CMTR1: variants seen among roughly 807,000 people sequenced by gnomAD.
The protein encoded by CMTR1 is cap-specific mRNA (nucleoside-2'-O-)-methyltransferase 1.
A neutral mutation model predicts 107.0 loss-of-function variants in CMTR1; 39 were observed. The observed-to-expected ratio is 0.36, with a 90% CI of 0.28 to 0.48. The LOEUF (loss-of-function observed/expected upper bound fraction) is 0.48. Among genes scored for constraint, CMTR1 ranks in the 20% least tolerant of loss-of-function variants. CMTR1 has a pLI of 0.99. For synonymous variants in CMTR1, 366 were observed against 379.5 expected, an observed-to-expected ratio of 0.96 and a Z score of 0.41; for missense variants, 672 against 1,064.9, an observed-to-expected ratio of 0.63 and a Z score of 5.14.
At chr6:37,435,062 A>G (rs1771497235) in intron 1 of CMTR1, among the ~76,000 whole-genome samples, 1 of 151,840 alleles carries the variant, frequency 6.6e-6, no homozygotes, top group African/African-American at 2.4e-5. Flanking sequence ...TCCATTCCCT[A>G]CTCTGCTTAA....
chr6:37,467,594 T>C (rs192178241), intron 13 of CMTR1, among the ~76,000 whole-genome samples: 2 of 152,356 alleles, frequency 1.3e-5, no homozygotes, highest in East Asian at 3.9e-4. Context: ...GAGCTGTCTG[T>C]GTCTTCTGTT....
intron 2 of CMTR1, among the ~76,000 whole-genome samples, chr6:37,437,516 CAAAAA>C (rs35749564): frequency 8.4e-6 from 1 of 118,394 alleles, no homozygotes; most frequent in Non-Finnish European, 1.7e-5. Context: ...GAGTCCGTCT[CAAAAA>C]AAAAAAAAAA....
rs145729642 is a variant in CMTR1, at chr6:37,470,570, T to A, written c.1506-451T>A. On this transcript the variant is annotated intron_variant, in intron 13 of 23. Coordinates refer to ENST00000373451, the MANE Select transcript of CMTR1 (RefSeq NM_015050.3). ...TTCTGTTGGCCTGTTTTCCCTCTTG[T>A]CAATGGGTAGCATTTTCTTGCTTCA... 2.6e-5 allele frequency among the ~76,000 whole-genome samples: 4 copies of A among 152,356 alleles called. No homozygotes were observed. In the East Asian group the frequency reaches 7.7e-4, roughly 29 times the overall value.
intron 14 of CMTR1, 47 bp from the exon 15 acceptor site, chr6:37,471,800 C>G: frequency 6.3e-7 from 1 of 1,580,078 alleles, no homozygotes; most frequent in Non-Finnish European, 8.7e-7. Context: ...GGGGGCACTC[C>G]TGTGCCTCTT....
intron 8 of CMTR1, among the ~76,000 whole-genome samples, chr6:37,455,993 C>T (rs1317580625): frequency 1.3e-5 from 2 of 152,216 alleles, no homozygotes; most frequent in Non-Finnish European, 2.9e-5. Flanking sequence ...GCTGTCCTTC[C>T]TGTGAAAAGA....
chr6:37,444,868 T>TA (rs1771750994), intron 3 of CMTR1, among the ~76,000 whole-genome samples: 1 of 151,926 alleles, frequency 6.6e-6, no homozygotes, highest in Non-Finnish European at 1.5e-5. Flanking sequence ...CTACTAAAAA[T>TA]ACAAAAAATT....
At position 37,461,631 on chromosome 6, in the gene CMTR1, C is replaced by T; in HGVS notation, c.1178C>T (p.Ser393Phe). 6.2e-7 allele frequency: 1 copy of T among 1,608,206 alleles called. No homozygotes were observed. Among genetic ancestry groups the T allele is most frequent in the African/African-American group, 1.3e-5 (1 of 74,710 alleles). Residue 393 changes from serine (S) to phenylalanine (F), a missense_variant, in exon 11 of 24, where the codon TCC becomes TTC. Physicochemically the swap from Ser to Phe is radical, Grantham distance 155. Around this residue, in one of 2 missense-constraint regions of CMTR1, gnomAD observed 583 missense variants for 968.4 expected, o/e 0.60. Coordinates refer to ENST00000373451, the MANE Select transcript of CMTR1 (RefSeq NM_015050.3). ...LLLCQFLMALSIVRTGGHFIC... is the reference protein window; with the variant it reads ...LLLCQFLMALFIVRTGGHFIC... ...CTGTGTCAGTTCCTCATGGCGCTGT[C>T]CATTGTCCGGACAGGTGACACTTCC...
chr6:37,438,822 T>C (rs1185747369), intron 2 of CMTR1, among the ~76,000 whole-genome samples: 1 of 152,226 alleles, frequency 6.6e-6, no homozygotes, highest in Non-Finnish European at 1.5e-5. Context: ...CCCCGGACAG[T>C]ATACCCTGGT....
intron 21 of CMTR1, among the ~76,000 whole-genome samples, chr6:37,478,038 G>A (rs993672507): frequency 6.6e-6 from 1 of 152,174 alleles, no homozygotes; most frequent in East Asian, 1.9e-4. Context: ...AGTGGTGTGC[G>A]GGTGCTCACA....
intron 2 of CMTR1, among the ~76,000 whole-genome samples, chr6:37,443,461 T>G (rs1022848145): frequency 7.9e-5 from 12 of 152,066 alleles, no homozygotes; most frequent in Admixed American, 4.6e-4. Context: ...TTCAAGCAAT[T>G]CTCCTGCCTC....
At position 37,444,042 on chromosome 6, in the gene CMTR1, G is replaced by A; in HGVS notation, c.177G>A (p.Gly59=). The A allele has an allele frequency of 6.2e-7, 1 of 1,614,128 alleles. No individual in the cohort carries two copies. Residue 59 remains glycine, a synonymous_variant, in exon 3 of 24, where the codon GGG becomes GGA. Transcript: ENST00000373451. Reference sequence around the variant, plus strand: ...GTGGGTCTGATAGTGAGACCGAGGGGAAACAACACAGCTCTGACTCTTTTG... The same window carrying A: ...GTGGGTCTGATAGTGAGACCGAGGGAAAACAACACAGCTCTGACTCTTTTG... The part of the protein sequence containing the change: ...SLSGSDSETE[G]KQHSSDSFDD...
At chr6:37,441,413 T>C (rs1391664497) in intron 2 of CMTR1, among the ~76,000 whole-genome samples, 1 of 152,068 alleles carries the variant, frequency 6.6e-6, no homozygotes, top group Non-Finnish European at 1.5e-5. Context: ...ACCCTAATTT[T>C]CTTTTTCTTT....
chr6:37,451,352 AC>A (rs1246270352), intron 5 of CMTR1, among the ~76,000 whole-genome samples: 1 of 151,954 alleles, frequency 6.6e-6, no homozygotes, highest in Non-Finnish European at 1.5e-5. Flanking sequence ...TCCCTGTGAG[AC>A]CCCTTAGCGT....
Position 37,472,018 on chromosome 6 carries a change from A to G in CMTR1, c.1620+114A>G, listed in dbSNP as rs1761638741. The G allele has an allele frequency of 1.1e-6, 1 of 888,694 alleles. No individual in the cohort carries two copies. Among genetic ancestry groups the G allele is most frequent in the Non-Finnish European group, 1.7e-6 (1 of 577,746 alleles). The allele number at this position is 888,694 out of a possible 1,614,324, so 55.1% of individuals were successfully genotyped here. ...GTCTCTGCATCCAAAAATATCTGCT[A>G]CCCTCACAGCATCCCAGAGGTTGAC... On this transcript the variant is annotated intron_variant, in intron 15 of 23. Transcript: ENST00000373451. This position sits in a 1 kb window ranked among gnomAD's most constrained non-coding sequence, Gnocchi z 4.1.
the CMTR1 span, among the ~76,000 whole-genome samples, chr6:37,428,008 CAGAGAGAGAGAGAGAGAG>C: frequency 5.2e-3 from 596 of 114,860 alleles, 3 homozygotes; most frequent in African/African-American, 0.014. Context: ...GCAACAGAGA[CAGAGAGAGAGAGAGAGAG>C]AGAGAGAGAG....
At chr6:37,459,749 G>A in intron 10 of CMTR1, 65 bp downstream of exon 10, 1 of 1,195,194 alleles carries the variant, frequency 8.4e-7, no homozygotes, top group Non-Finnish European at 1.3e-6. Flanking sequence ...TTTGAGAATT[G>A]TTTGTTTTAT....
chr6:37,447,844 G>A (rs1277458827), intron 4 of CMTR1, among the ~76,000 whole-genome samples: 2 of 151,112 alleles, frequency 1.3e-5, no homozygotes, highest in African/African-American at 4.9e-5. Flanking sequence ...TTCCAGCCTG[G>A]GCAACAGACT....
chr6:37,446,680 G>T (rs1771804414), intron 4 of CMTR1, among the ~76,000 whole-genome samples: 1 of 152,226 alleles, frequency 6.6e-6, no homozygotes, highest in Non-Finnish European at 1.5e-5. Context: ...AGACCAACGG[G>T]TAGAAGATGC....
At chr6:37,462,704 T>C in intron 12 of CMTR1, 125 bp from the exon 13 acceptor site, 1 of 819,636 alleles carries the variant, frequency 1.2e-6, no homozygotes, top group Non-Finnish European at 2.0e-6. Flanking sequence ...TGTTGTTCTT[T>C]GTGCGTAGGC....
Sources: gnomAD v4.1 joint callset for allele counts (sites outside exome capture counted in the v4.1 genomes callset) on GRCh38, gnomAD v4.1.1 for gene constraint, gnomAD v4.1.1 regional missense constraint, Gnocchi (gnomAD v3.1) non-coding constraint, MANE v1.5 for transcripts, NCBI Gene and HGNC (gene_info 2026-07-23, HGNC 2026-07-21) for gene names.